CFAP100: variants seen among roughly 807,000 people sequenced by gnomAD.
The protein encoded by CFAP100 is cilia and flagella associated protein 100, also known as cilia- and flagella-associated protein 100.
In CFAP100, 70 loss-of-function variants were observed where a neutral mutation model predicts 81.5. The ratio of observed to expected loss-of-function variants is 0.86; its 90% CI spans 0.71 to 1.05. CFAP100 has a LOEUF of 1.05. Ranked by LOEUF, CFAP100 falls within the 50% of genes least tolerant of loss-of-function variation. The probability of loss-of-function intolerance (pLI) is 0.00; values close to 1 mark genes in which losing one functional copy is unlikely to be tolerated. For missense variants in CFAP100, 811 were observed against 776.5 expected (o/e 1.04, Z -0.53); for synonymous variants, 341 against 314.8 (o/e 1.08, Z -0.88).
chr3:126,414,396 C>T (rs6775131), intron 4 of CFAP100: 223,028 of 659,456 alleles, frequency 0.34, 39,080 homozygotes, highest in East Asian at 0.48. Flanking sequence ...TGTCACCACT[C>T]TTCTTGGGTC....
intron 2 of CFAP100, among the ~76,000 whole-genome samples, chr3:126,402,966 T>C (rs571075968): frequency 3.3e-5 from 5 of 151,944 alleles, no homozygotes; most frequent in African/African-American, 9.7e-5. Context: ...ATCTGGTGAC[T>C]AGGTGTGGAA....
Position 126,411,361 on chromosome 3 carries a change from G to GTTTTTT in CFAP100, c.131-2703_131-2698dup, listed in dbSNP as rs58954079. On this transcript the variant is annotated intron_variant, in intron 3 of 16. Coordinates refer to ENST00000352312, the MANE Select transcript of CFAP100 (RefSeq NM_182628.3). ...TCTGTAGTTTTTTTTGTTGTTGTTG[G>GTTTTTT]TTTTTTTTTTTTTTTTTTTTTTTTT... Among the ~76,000 whole-genome samples, 25 of 35,382 alleles carry GTTTTTT rather than the reference G, an allele frequency of 7.1e-4. 4 individuals carry two copies. Among genetic ancestry groups the GTTTTTT allele is most frequent in the Non-Finnish European group, 9.3e-4 (20 of 21,536 alleles). 23.2% of individuals were successfully genotyped at this position (35,382 alleles called of 152,430 possible).
intron 2 of CFAP100, among the ~76,000 whole-genome samples, chr3:126,404,213 A>G (rs1258620393): frequency 6.6e-6 from 1 of 152,246 alleles, no homozygotes; most frequent in Non-Finnish European, 1.5e-5. Flanking sequence ...TTTCTGGTGT[A>G]GGGAAAGCAG....
chr3:126,435,787 C>T, intron 16 of CFAP100, 135 bp downstream of exon 16: 1 of 678,596 alleles, frequency 1.5e-6, no homozygotes, highest in Non-Finnish European at 2.4e-6. Flanking sequence ...GACAGGCTGC[C>T]TTCGGAGCAA....
intron 2 of CFAP100, among the ~76,000 whole-genome samples, chr3:126,403,087 G>A (rs542251441): frequency 6.6e-6 from 1 of 152,298 alleles, no homozygotes; most frequent in South Asian, 2.1e-4. Flanking sequence ...TTCGCAGGAG[G>A]GGGAAGGCCA....
At position 126,433,135 on chromosome 3, in the gene CFAP100, G is replaced by A. The variant is rs1012033335; in HGVS notation, c.1353G>A (p.Glu451=). Reference sequence around the variant, plus strand: ...TGATGATGTCCATCACCAAGGAGGAGGACACAGCAGCTGAGCTGGAGCTCA... The same window carrying A: ...TGATGATGTCCATCACCAAGGAGGAAGACACAGCAGCTGAGCTGGAGCTCA... ...TTMMMSITKE[E]DTAAELELKA... The change falls in exon 14 of 17, where the codon GAG becomes GAA. Residue 451 remains glutamate, a synonymous_variant. Coordinates refer to ENST00000352312, the MANE Select transcript of CFAP100 (RefSeq NM_182628.3). The A allele has an allele frequency of 6.8e-6, 11 of 1,614,124 alleles. No individual in the cohort carries two copies. The African/African-American group carries it at 1.1e-4, about 16-fold the overall frequency.
chr3:126,415,933 C>A (rs1003063942), intron 4 of CFAP100, among the ~76,000 whole-genome samples: 2 of 152,236 alleles, frequency 1.3e-5, no homozygotes, highest in East Asian at 3.9e-4. Context: ...ACTACACAGT[C>A]GTAGTCTTCG....
chr3:126,402,208 T>C (rs2082996294), intron 2 of CFAP100, among the ~76,000 whole-genome samples: 1 of 151,594 alleles, frequency 6.6e-6, no homozygotes, highest in South Asian at 2.1e-4. Context: ...GTCCTGGGGG[T>C]GGTGAGGGAT....
In CFAP100 at chr3:126,396,063, C is replaced by G; in HGVS notation, c.49+14C>G. On this transcript the variant is annotated intron_variant, in intron 2 of 16. Transcript: ENST00000352312. ...TGACCAATGACAGTAAGTACCGGGC[C>G]AGGGTGGGCACTCTCAGAGGTCAGG... The G allele has an allele frequency of 6.2e-7, 1 of 1,611,314 alleles. No homozygotes were observed. The highest frequency in any genetic ancestry group is 8.5e-7 in the Non-Finnish European group (1 of 1,177,432).
intron 2 of CFAP100, 22 bp downstream of exon 2, chr3:126,396,071 G>T: frequency 6.2e-7 from 1 of 1,608,076 alleles, no homozygotes; most frequent in Non-Finnish European, 8.5e-7. Flanking sequence ...GCCAGGGTGG[G>T]CACTCTCAGA....
chr3:126,436,265 G>A, intron 16 of CFAP100, 26 bp from the exon 17 acceptor site: 1 of 1,587,884 alleles, frequency 6.3e-7, no homozygotes, highest in Non-Finnish European at 8.6e-7. Flanking sequence ...AGGCAGCAAG[G>A]CTCACTGGGC....
chr3:126,397,907 C>T (rs1264710708), intron 2 of CFAP100, among the ~76,000 whole-genome samples: 2 of 152,096 alleles, frequency 1.3e-5, no homozygotes, highest in Non-Finnish European at 2.9e-5. Flanking sequence ...GGCCTGGAGG[C>T]CAAGTAGGGA....
rs746134736 is a variant in CFAP100 at position 126,416,407 on chromosome 3, T to G, written c.317T>G (p.Leu106Arg). The G allele has an allele frequency of 1.5e-5, 24 of 1,612,072 alleles. No homozygotes were observed. Among genetic ancestry groups the G allele is most frequent in the Non-Finnish European group, 1.9e-5 (23 of 1,179,544 alleles). The stretch of plus-strand genomic sequence containing the variant: ...AAGCACACCAGCCTGCGGCGGCAGC[T>G]GCAGCTGGAGGACAAGCAGGAGGAC... The part of the protein sequence containing the change: ...SAKHTSLRRQ[L>R]QLEDKQEDLE... The change falls in exon 5 of 17, where the codon CTG becomes CGG. Residue 106 changes from leucine (L) to arginine (R), a missense_variant. By Grantham distance (102) the Leu-to-Arg change is moderately radical (BLOSUM62 -2). Transcript: ENST00000352312.
rs78977056 is a variant in CFAP100, at chr3:126,416,340, C to A, written c.250C>A (p.Arg84=). ...GGAACGGCAGCAGCAGAAGACGATG[C>A]GGGTGCACCAGAAGATGACCTACTC... is the stretch of plus-strand genomic sequence containing the variant. ...LSERQQQKTM[R]VHQKMTYSSK... Residue 84 remains arginine (R), a synonymous_variant, in exon 5 of 17, where the codon CGG becomes AGG. Transcript: ENST00000352312. 1.2e-3 allele frequency: 1,958 copies of A among 1,599,552 alleles called. 19 individuals carry two copies. In the African/African-American group the frequency reaches 0.023, roughly 19 times the overall value.
In CFAP100 at chr3:126,436,324, C is replaced by G. The variant is rs1173764867; in HGVS notation, c.1756C>G (p.Pro586Ala). The change falls in exon 17 of 17, where the codon CCA becomes GCA. Residue 586 changes from proline (P) to alanine (A), a missense_variant. Physicochemically the swap from Pro to Ala is conservative, Grantham distance 27 (BLOSUM62 -1). Transcript: ENST00000352312. ...GRTLVCRSRP[P>A]AHRIKQQSEH... ...GACACTGGTATGCCGCTCACGACCC[C>G]CAGCCCACAGGATCAAACAACAGTC... 4 of 1,614,050 alleles carry G rather than the reference C, an allele frequency of 2.5e-6. No individual in the cohort carries two copies. The highest frequency in any genetic ancestry group is 1.1e-5 in the South Asian group (1 of 91,074).
chr3:126,413,140 G>C (rs1372814005), intron 3 of CFAP100, among the ~76,000 whole-genome samples: 1 of 152,226 alleles, frequency 6.6e-6, no homozygotes, highest in East Asian at 1.9e-4. Context: ...AGAAGGGAGA[G>C]CGAGTGCAGA....
chr3:126,411,098 G>T (rs956049533), intron 3 of CFAP100, among the ~76,000 whole-genome samples: 1 of 152,162 alleles, frequency 6.6e-6, no homozygotes. Flanking sequence ...TATCATAAAG[G>T]GGTGCTGAAT....
At chr3:126,428,875 G>A (rs1933066339) in intron 13 of CFAP100, among the ~76,000 whole-genome samples, 1 of 152,030 alleles carries the variant, frequency 6.6e-6, no homozygotes, top group African/African-American at 2.4e-5. Flanking sequence ...GGGAGGCCGA[G>A]GTAGGTGGAT....
At chr3:126,431,308 C>T (rs1444635368) in intron 13 of CFAP100, among the ~76,000 whole-genome samples, 1 of 152,172 alleles carries the variant, frequency 6.6e-6, no homozygotes, top group Non-Finnish European at 1.5e-5. Flanking sequence ...ATGACAGTTA[C>T]ACCAGGGCTA....
Sources: allele counts gnomAD v4.1 joint callset (sites outside exome capture counted in the v4.1 genomes callset), GRCh38; gene constraint gnomAD v4.1.1; transcripts MANE v1.5; gene names NCBI Gene and HGNC (gene_info 2026-07-23, HGNC 2026-07-21).